The following WDFY3 variants were observed in gnomAD, a reference collection of about 807,000 sequenced individuals.
WDFY3 encodes the protein WD repeat and FYVE domain containing 3.
In WDFY3, 66 loss-of-function variants were observed where a neutral mutation model predicts 409.6. The observed-to-expected ratio is 0.16, with a 90% confidence interval of 0.13 to 0.20. The LOEUF is 0.20. Ranked by LOEUF, WDFY3 falls within the 10% of genes least tolerant of loss-of-function variation. WDFY3 has a pLI of 1.00. For missense variants in WDFY3, 3,031 were observed against 4,298.1 expected (o/e 0.71, Z 8.24); for synonymous variants, 1,521 against 1,537.1 (o/e 0.99, Z 0.25).
intron 41 of WDFY3, among the ~76,000 whole-genome samples, 176 bp from the exon 42 acceptor site, chr4:84,736,503 G>A (rs373893936): frequency 6.6e-6 from 1 of 151,738 alleles, no homozygotes; most frequent in African/African-American, 2.4e-5. Context: ...TCTTAAGGAT[G>A]ACTGCTCGCA....
At chr4:84,897,465 C>T (rs1765794731) in intron 2 of WDFY3, among the ~76,000 whole-genome samples, 1 of 152,160 alleles carries the variant, frequency 6.6e-6, no homozygotes, top group Admixed American at 6.5e-5. Context: ...TTACTGCAAT[C>T]TCCACCTCCC....
chr4:84,775,641 C>T (rs1745423631), intron 27 of WDFY3, among the ~76,000 whole-genome samples: 1 of 151,504 alleles, frequency 6.6e-6, no homozygotes, highest in African/African-American at 2.4e-5. Context: ...CAGTATCAAG[C>T]AATCTAAGAT....
In WDFY3 at chr4:84,757,068, G is replaced by A. The variant is rs1278781920; in HGVS notation, c.5282C>T (p.Ser1761Leu). 1 of 1,614,054 alleles carries A rather than the reference G, an allele frequency of 6.2e-7. No homozygotes were observed. Among genetic ancestry groups the A allele is most frequent in the Admixed American group, 1.7e-5 (1 of 60,000 alleles). ...GACATTAGTGTGTTTAGGAAGGAAT[G>A]ACTGAAGGACTGGAAAACCAGGAAA... Reference protein sequence around the residue: ...CHFPGFPVLQSFLPKHTNVPA... With the variant: ...CHFPGFPVLQLFLPKHTNVPA... Residue 1761 changes from serine to leucine, a missense_variant, in exon 33 of 68, where the codon TCA becomes TTA. By Grantham distance (145) the Ser-to-Leu change is moderately radical. Transcript: ENST00000295888.
intron 5 of WDFY3, chr4:84,844,497 G>T: frequency 7.8e-7 from 1 of 1,289,594 alleles, no homozygotes; most frequent in East Asian, 5.5e-5. Context: ...GGACAGCAGG[G>T]CACACTGTTT....
intron 34 of WDFY3, among the ~76,000 whole-genome samples, chr4:84,754,153 T>C (rs1371951513): frequency 6.6e-6 from 1 of 152,182 alleles, no homozygotes; most frequent in Non-Finnish European, 1.5e-5. Context: ...GTTTTGATTA[T>C]TCATTATTAT....
In WDFY3 at chr4:84,860,560, G is replaced by A. The variant is rs1760461766; in HGVS notation, c.32C>T (p.Pro11Leu). The A allele has an allele frequency of 6.2e-7, 1 of 1,612,046 alleles. No homozygotes were observed. Among genetic ancestry groups the A allele is most frequent in the Non-Finnish European group, 8.5e-7 (1 of 1,178,616 alleles). ...TTGTGGGCTGCACTCCTCCTGCCTC[G>A]GCCGCCCCATGATCCTCTTCACCAT... MNMVKRIMGR[P>L]RQEECSPQDN... Residue 11 changes from proline to leucine, a missense_variant, in exon 4 of 68, where the codon CCG (proline) becomes CTG (leucine). Transcript: ENST00000295888.
intron 25 of WDFY3, among the ~76,000 whole-genome samples, chr4:84,780,785 A>T (rs1578484372): frequency 6.6e-6 from 1 of 151,974 alleles, no homozygotes; most frequent in South Asian, 2.1e-4. Flanking sequence ...AAATAAATAA[A>T]TAAATAAATA....
chr4:84,883,638 T>C (rs773886283), intron 3 of WDFY3, among the ~76,000 whole-genome samples: 70 of 152,148 alleles, frequency 4.6e-4, no homozygotes, highest in Admixed American at 5.2e-4. Context: ...TACTGAAGGA[T>C]TAAGCATACC....
At chr4:84,753,909 TAC>T (rs1341675514) in intron 34 of WDFY3, 33 bp from the exon 35 acceptor site, 6 of 1,524,506 alleles carry the variant, frequency 3.9e-6, no homozygotes, top group Non-Finnish European at 5.3e-6. Context: ...AACACTATGT[TAC>T]AGTTATTGAC....
intron 2 of WDFY3, among the ~76,000 whole-genome samples, chr4:84,911,408 G>A (rs1767765091): frequency 6.6e-6 from 1 of 152,100 alleles, no homozygotes; most frequent in Admixed American, 6.6e-5. Context: ...GATTCCTTGA[G>A]CCCAGGAATT....
intron 15 of WDFY3, among the ~76,000 whole-genome samples, chr4:84,807,998 T>C (rs901637497): frequency 2.6e-5 from 4 of 152,056 alleles, no homozygotes; most frequent in African/African-American, 7.2e-5. Context: ...AAAAGTATTC[T>C]ACTTAGAGAC....
intron 37 of WDFY3, among the ~76,000 whole-genome samples, chr4:84,742,511 C>T (rs779228063): frequency 6.6e-6 from 1 of 152,130 alleles, no homozygotes; most frequent in Non-Finnish European, 1.5e-5. Context: ...ATCCTCCTAG[C>T]TCCTCCTCCT....
intron 27 of WDFY3, among the ~76,000 whole-genome samples, chr4:84,776,754 A>G (rs1424248770): frequency 6.6e-6 from 1 of 152,122 alleles, no homozygotes; most frequent in African/African-American, 2.4e-5. Flanking sequence ...GTGCTTTCTA[A>G]AAGAATAAGA....
At chr4:84,918,824 T>TACAG (rs1404303545) in intron 2 of WDFY3, among the ~76,000 whole-genome samples, 2 of 124,480 alleles carry the variant, frequency 1.6e-5, no homozygotes, top group African/African-American at 2.9e-5. Context: ...TGTATATATA[T>TACAG]ATAGATATAT....
chr4:84,709,876 G>A lies in WDFY3; in HGVS notation c.8043-529C>T, dbSNP rs56034396. On this transcript the variant is annotated intron_variant, in intron 51 of 67. Coordinates refer to ENST00000295888, the MANE Select transcript of WDFY3 (RefSeq NM_014991.6). Reference sequence around the variant, plus strand: ...TGGGTAGCTGGGATTACATGCACTCGCCACCACGCCCAGCTAATTTTTGTA... The same window carrying A: ...TGGGTAGCTGGGATTACATGCACTCACCACCACGCCCAGCTAATTTTTGTA... Among the ~76,000 whole-genome samples the A allele has an allele frequency of 7.4e-3, 1,126 of 152,132 alleles. 15 individuals carry two copies. The highest frequency in any genetic ancestry group is 0.026 in the African/African-American group (1,082 of 41,508).
intron 7 of WDFY3, among the ~76,000 whole-genome samples, 170 bp downstream of exon 7, chr4:84,836,759 A>G (rs1756625704): frequency 1.3e-5 from 2 of 152,214 alleles, no homozygotes; most frequent in South Asian, 2.1e-4. Flanking sequence ...GAATATTTCA[A>G]TATTATTTCT....
rs150145032 is a variant in WDFY3, at chr4:84,801,744, C to T, written c.2728G>A (p.Ala910Thr). 1.4e-4 allele frequency: 234 copies of T among 1,613,800 alleles called. 1 individual carries two copies. In the East Asian group the frequency reaches 5.2e-3, roughly 36 times the overall value. Residue 910 changes from alanine to threonine, a missense_variant, in exon 17 of 68, where the codon GCT (alanine) becomes ACT (threonine). Physicochemically the swap from Ala to Thr is moderately conservative, Grantham distance 58. Coordinates refer to ENST00000295888, the MANE Select transcript of WDFY3 (RefSeq NM_014991.6). ...LHARLLQRCS[A>T]ALADEDHSLH... ...GAGTGGTCCTCATCAGCCAATGCAG[C>T]ACTGCACCTCTGCAGCAGTCGTGCA...
intron 2 of WDFY3, among the ~76,000 whole-genome samples, chr4:84,927,015 A>G (rs1291256441): frequency 2.6e-5 from 4 of 152,240 alleles, no homozygotes; most frequent in Non-Finnish European, 5.9e-5. Context: ...ATGTTTACTT[A>G]ATTTCTGTAT....
chr4:84,720,965 G>A (rs1252122822), intron 47 of WDFY3, among the ~76,000 whole-genome samples: 1 of 152,172 alleles, frequency 6.6e-6, no homozygotes, highest in African/African-American at 2.4e-5. Context: ...AAATAGGAAG[G>A]TGATGTCTTC....
Sources: gnomAD v4.1 joint callset for allele counts (sites outside exome capture counted in the v4.1 genomes callset) on GRCh38, gnomAD v4.1.1 for gene constraint, MANE v1.5 for transcripts, NCBI Gene and HGNC (gene_info 2026-07-23, HGNC 2026-07-21) for gene names.